Variants in FAT3 observed in about 807,000 individuals in gnomAD.
FAT3 encodes protocadherin Fat 3.
In FAT3, 95 loss-of-function variants were observed where a neutral mutation model predicts 310.2. The observed-to-expected ratio is 0.31, with a 90% CI of 0.26 to 0.36. The LOEUF (loss-of-function observed/expected upper bound fraction) is 0.36, where lower values mean the gene tolerates loss of function less well. FAT3 is among the 10% of genes least tolerant of loss of function. The pLI is 1.00. For missense variants in FAT3, 5,408 were observed against 5,715.6 expected (o/e 0.95, Z 1.74); for synonymous variants, 2,314 against 2,192.9 (o/e 1.06, Z -1.54).
chr11:92,599,775 C>T (rs940015332), intron 3 of FAT3, among the ~76,000 whole-genome samples: 3 of 152,206 alleles, frequency 2.0e-5, no homozygotes, highest in Admixed American at 6.5e-5. Context: ...AGAGGAGGTA[C>T]TCCATACATA....
intron 2 of FAT3, among the ~76,000 whole-genome samples, chr11:92,391,984 G>A (rs1949761257): frequency 6.6e-6 from 1 of 152,138 alleles, no homozygotes; most frequent in South Asian, 2.1e-4. Context: ...TGGTGGTGAT[G>A]GCTCAGAATG....
intron 3 of FAT3, among the ~76,000 whole-genome samples, chr11:92,611,115 A>G (rs930418260): frequency 6.6e-6 from 1 of 151,834 alleles, no homozygotes; most frequent in East Asian, 1.9e-4. Context: ...TTAAGTGACT[A>G]TCTTCTCTCT....
At chr11:92,526,706 A>G (rs1244417149) in intron 3 of FAT3, among the ~76,000 whole-genome samples, 2 of 152,156 alleles carry the variant, frequency 1.3e-5, no homozygotes, top group South Asian at 2.1e-4. Context: ...ATTTTTCAGA[A>G]AGCCCTGTTT....
chr11:92,792,018 G>C (rs1241060492), intron 8 of FAT3, among the ~76,000 whole-genome samples: 2 of 152,146 alleles, frequency 1.3e-5, no homozygotes, highest in East Asian at 3.8e-4. Flanking sequence ...GGTTCTCTCA[G>C]CTCTAGGCTT....
At chr11:92,873,610 T>A (rs1268914200) in intron 22 of FAT3, among the ~76,000 whole-genome samples, 1 of 152,228 alleles carries the variant, frequency 6.6e-6, no homozygotes, top group African/African-American at 2.4e-5. Context: ...CAGCCCAAAT[T>A]AATGCTATAA....
rs780486951 is a variant in FAT3 at position 92,836,278 on chromosome 11, C to T, written c.10087-288C>T. Among the ~76,000 whole-genome samples the T allele has an allele frequency of 3.3e-5, 5 of 152,268 alleles. No homozygotes were observed. The South Asian group carries it at 1.0e-3, about 32-fold the overall frequency. The stretch of plus-strand genomic sequence containing the variant: ...CGTTCCTGTCCATTAGCTTTGGGCT[C>T]TAACCATACTGTCTCAAACCCTGAG... On this transcript the variant is annotated intron_variant, in intron 15 of 27. Transcript: ENST00000525166.
chr11:92,806,412 C>T lies in FAT3; in HGVS notation c.9144C>T (p.Ile3048=). The stretch of plus-strand genomic sequence containing the variant: ...AAGACATTCCATCAAATAAAATCAT[C>T]CTGAAAGTCAGTGCAAAGGATGCTG... The part of the protein sequence containing the change: ...LPEDIPSNKI[I]LKVSAKDADI... The change falls in exon 12 of 28, where the codon ATC becomes ATT. Residue 3048 remains isoleucine, a synonymous_variant. Transcript: ENST00000525166. 6 of 1,595,564 alleles carry T rather than the reference C, an allele frequency of 3.8e-6. No homozygotes were observed. Among genetic ancestry groups the T allele is most frequent in the Non-Finnish European group, 5.1e-6 (6 of 1,169,940 alleles).
At chr11:92,779,030 G>A (rs1318150978) in intron 7 of FAT3, among the ~76,000 whole-genome samples, 1 of 152,124 alleles carries the variant, frequency 6.6e-6, no homozygotes, top group Non-Finnish European at 1.5e-5. Context: ...AGATGAGTGA[G>A]GATGTCTGAA....
At chr11:92,664,995 C>T (rs1942906034) in intron 3 of FAT3, among the ~76,000 whole-genome samples, 1 of 152,174 alleles carries the variant, frequency 6.6e-6, no homozygotes, top group East Asian at 1.9e-4. Context: ...CCCTAAAAAT[C>T]CTCAGCAAGG....
At chr11:92,318,412 T>G (rs1947524604) in intron 1 of FAT3, among the ~76,000 whole-genome samples, 1 of 152,182 alleles carries the variant, frequency 6.6e-6, no homozygotes, top group African/African-American at 2.4e-5. Context: ...CAGTATGTTT[T>G]GAAAATAAAT....
At chr11:92,638,424 C>T (rs533279) in intron 3 of FAT3, among the ~76,000 whole-genome samples, 22,782 of 152,074 alleles carry the variant, frequency 0.15, 1,857 homozygotes, top group African/African-American at 0.19. Context: ...CTGTGATTGT[C>T]GATTTTTATA....
At chr11:92,465,699 A>G (rs1951741809) in intron 2 of FAT3, among the ~76,000 whole-genome samples, 1 of 152,124 alleles carries the variant, frequency 6.6e-6, no homozygotes, top group Admixed American at 6.5e-5. Context: ...AACATCACAC[A>G]TCAGGGCCTG....
At chr11:92,744,522 C>G (rs1199857256) in intron 4 of FAT3, among the ~76,000 whole-genome samples, 1 of 152,170 alleles carries the variant, frequency 6.6e-6, no homozygotes, top group Non-Finnish European at 1.5e-5. Context: ...TCTAAACATG[C>G]AGTGTTCCCC....
chr11:92,568,036 G>T (rs965109493), intron 3 of FAT3, among the ~76,000 whole-genome samples: 2 of 151,710 alleles, frequency 1.3e-5, no homozygotes, highest in African/African-American at 4.9e-5. Context: ...AAACTTAAAA[G>T]TATAATAATA....
chr11:92,288,490 C>T (rs1323555126), intron 1 of FAT3, among the ~76,000 whole-genome samples: 2 of 152,054 alleles, frequency 1.3e-5, no homozygotes, highest in African/African-American at 4.8e-5. Context: ...ACCTGAGTCC[C>T]CTTGTTGCAT....
intron 4 of FAT3, among the ~76,000 whole-genome samples, chr11:92,704,451 G>A (rs1944204805): frequency 6.6e-6 from 1 of 152,202 alleles, no homozygotes; most frequent in African/African-American, 2.4e-5. Flanking sequence ...AAATCCATGT[G>A]TTAAAATCCT....
Position 92,801,121 on chromosome 11 carries a change from C to A in FAT3, c.8108C>A (p.Thr2703Lys), listed in dbSNP as rs376409558. ...PVYIHVLPPE[T>K]FLPSFTQSQY... The stretch of plus-strand genomic sequence containing the variant: ...TATATCCACGTCTTGCCCCCTGAAA[C>A]GTTCTTGCCATCATTCACCCAGTCT... The change falls in exon 10 of 28, where the codon ACG becomes AAG. Residue 2703 changes from threonine to lysine, a missense_variant. Physicochemically the swap from Thr to Lys is moderately conservative, Grantham distance 78 (BLOSUM62 -1). Transcript: ENST00000525166. 1.9e-6 allele frequency: 3 copies of A among 1,613,990 alleles called. No individual in the cohort carries two copies. The Admixed American group carries it at 5.0e-5, about 27-fold the overall frequency.
At chr11:92,242,026 G>C (rs1214453709) in intron 1 of FAT3, among the ~76,000 whole-genome samples, 2 of 151,980 alleles carry the variant, frequency 1.3e-5, no homozygotes, top group Admixed American at 6.6e-5. Context: ...AGAAAGCTTA[G>C]GAACCAGAAA....
At chr11:92,715,702 T>C (rs1359575509) in intron 4 of FAT3, among the ~76,000 whole-genome samples, 1 of 152,064 alleles carries the variant, frequency 6.6e-6, no homozygotes, top group African/African-American at 2.4e-5. Context: ...TAAAATTTTA[T>C]ACCCAACTTT....
Sources: allele counts gnomAD v4.1 joint callset (sites outside exome capture counted in the v4.1 genomes callset), GRCh38; gene constraint gnomAD v4.1.1; transcripts MANE v1.5; gene names NCBI Gene and HGNC (gene_info 2026-07-23, HGNC 2026-07-21).